Variants in CPO observed in about 807,000 individuals in gnomAD.
CPO encodes the protein carboxypeptidase O.
CPO carries 43 observed loss-of-function variants against 41.2 expected under a neutral mutation model. That is an observed-to-expected ratio of 1.04 (90% CI 0.82 to 1.35). The LOEUF is 1.35. Among genes scored for constraint, CPO ranks in the 40% most tolerant of loss-of-function variants. The pLI, the probability that CPO is intolerant of heterozygous loss-of-function variation, is 0.00. For synonymous variants in CPO, 178 were observed against 162.7 expected (o/e 1.09, Z -0.72); for missense variants, 408 against 451.7 (o/e 0.90, Z 0.88).
At position 206,958,416 on chromosome 2, in the gene CPO, T is replaced by G. The variant is rs1330636046; in HGVS notation, c.372+11T>G. On this transcript the variant is annotated intron_variant, in intron 4 of 8. Coordinates refer to ENST00000272852, the MANE Select transcript of CPO (RefSeq NM_173077.3). ...TGGTTCGTCAAAGAAGTAAGTGTCTTTAGCTTTCTCATACTGGTAAATCAC... is the reference window on the plus strand; with the variant it reads ...TGGTTCGTCAAAGAAGTAAGTGTCTGTAGCTTTCTCATACTGGTAAATCAC... 2 of 1,467,654 alleles carry G rather than the reference T, an allele frequency of 1.4e-6. No homozygotes were observed. Among genetic ancestry groups the G allele is most frequent in the South Asian group, 2.4e-5 (2 of 83,300 alleles). 90.9% of individuals were successfully genotyped at this position (1,467,654 alleles called of 1,614,324 possible). A position where few individuals can be genotyped will look rare whatever the true frequency, so the allele number is the denominator to read the frequency against.
intron 7 of CPO, among the ~76,000 whole-genome samples, chr2:206,964,006 GT>G (rs1231756139): frequency 2.0e-5 from 3 of 152,128 alleles, no homozygotes; most frequent in African/African-American, 7.2e-5. Context: ...GTTATTTTCT[GT>G]TTATCTTTTT....
At chr2:206,966,155 G>A (rs1401262786) in intron 7 of CPO, among the ~76,000 whole-genome samples, 3 of 151,426 alleles carry the variant, frequency 2.0e-5, no homozygotes, top group Non-Finnish European at 2.9e-5. Flanking sequence ...CAGGATTCGA[G>A]GAAAGGCAAT....
In CPO at chr2:206,962,403, A is replaced by ATAT. The variant is rs1473003702; in HGVS notation, c.575-7_575-5dup. The ATAT allele has an allele frequency of 6.2e-7, 1 of 1,613,144 alleles. No homozygotes were observed. The highest frequency in any genetic ancestry group is 8.5e-7 in the Non-Finnish European group (1 of 1,179,284). The stretch of plus-strand genomic sequence containing the variant: ...TGCAGCCTTCTTTGTGGTTTCTTCC[A>ATAT]TATTCTAGGTATTGGTGCCTCTAGA... On this transcript the variant is annotated splice_polypyrimidine_tract_variant and intron_variant, in intron 6 of 8. Transcript: ENST00000272852.
At chr2:206,962,699 G>T (rs1693504338) in intron 7 of CPO, 85 bp downstream of exon 7, 2 of 1,136,670 alleles carry the variant, frequency 1.8e-6, no homozygotes, top group Middle Eastern at 4.0e-4. Flanking sequence ...CAAGATTTTG[G>T]CTCCAGCCAC....
rs150484940 is a variant in CPO, at chr2:206,947,678, T to A, written c.69-1939T>A. Among the ~76,000 whole-genome samples the A allele has an allele frequency of 1.1e-3, 168 of 152,216 alleles. 1 individual carries two copies. In the East Asian group the frequency reaches 0.025, roughly 22 times the overall value. On this transcript the variant is annotated intron_variant, in intron 1 of 8. Transcript: ENST00000272852. ...TGATAAAGGACTGTTATCCAAAATA[T>A]ATAAATAACTCTTAAAACTCAACAA...
intron 1 of CPO, among the ~76,000 whole-genome samples, chr2:206,943,495 A>G (rs979699799): frequency 8.5e-5 from 13 of 152,080 alleles, no homozygotes; most frequent in Admixed American, 2.0e-4. Flanking sequence ...AATCAGAGGT[A>G]GACAATTTGG....
At chr2:206,960,297 C>G (rs576946699) in intron 5 of CPO, among the ~76,000 whole-genome samples, 2 of 152,250 alleles carry the variant, frequency 1.3e-5, no homozygotes, top group South Asian at 4.2e-4. Flanking sequence ...TCCATTGCTC[C>G]CCTAAGGACT....
intron 1 of CPO, 22 bp from the exon 2 acceptor site, chr2:206,949,595 T>C (rs1457285096): frequency 3.2e-6 from 5 of 1,584,522 alleles, no homozygotes; most frequent in Non-Finnish European, 4.3e-6. Flanking sequence ...CTGCTTTTCC[T>C]CTTACTTTCT....
intron 3 of CPO, 22 bp from the exon 4 acceptor site, chr2:206,958,279 G>A (rs1693409153): frequency 9.2e-6 from 12 of 1,297,570 alleles, no homozygotes; most frequent in Non-Finnish European, 1.3e-5. Context: ...GTTTAGTAAT[G>A]GGGCATGGAT....
Sources: allele counts gnomAD v4.1 joint callset (sites outside exome capture counted in the v4.1 genomes callset), GRCh38; gene constraint gnomAD v4.1.1; transcripts MANE v1.5; gene names NCBI Gene and HGNC (gene_info 2026-07-23, HGNC 2026-07-21).